ZHX1: variants seen among roughly 807,000 people sequenced by gnomAD.
ZHX1 encodes zinc fingers and homeoboxes protein 1.
A neutral mutation model predicts 61.8 loss-of-function variants in ZHX1; 20 were observed. The observed-to-expected ratio is 0.32, with a 90% confidence interval of 0.23 to 0.47. The LOEUF (loss-of-function observed/expected upper bound fraction) is 0.47, where lower values mean the gene tolerates loss of function less well. Among genes scored for constraint, ZHX1 ranks in the 20% least tolerant of loss-of-function variants. The pLI is 1.00. For synonymous variants in ZHX1, 318 were observed against 352.6 expected, an observed-to-expected ratio of 0.90 and a Z score of 1.10; for missense variants, 800 against 1,034.8, an observed-to-expected ratio of 0.77 and a Z score of 3.11.
intron 1 of ZHX1, chr8:123,273,887 G>C (rs1180582094): frequency 2.6e-5 from 4 of 152,502 alleles, no homozygotes; most frequent in Non-Finnish European, 4.4e-5. Flanking sequence ...GTTCCCTCCA[G>C]AGAGCCCCCC....
chr8:123,269,958 A>G (rs62521856), intron 1 of ZHX1, among the ~76,000 whole-genome samples: 5 of 59,462 alleles, frequency 8.4e-5, no homozygotes, highest in Non-Finnish European at 1.3e-4. Context: ...ATACTAATCA[A>G]TCAAATTTAA....
rs1437349743 is a variant in ZHX1 at position 123,249,609 on chromosome 8, T to G, written c.*715A>C. ...TTCTTCAGAATTAATTTCCTGCAGT[T>G]TAATAAAAAGCAAATCAGCTTCTAA... is the stretch of plus-strand genomic sequence containing the variant. On this transcript the variant is annotated 3_prime_UTR_variant, in exon 4 of 4. Coordinates refer to ENST00000395571, the MANE Select transcript of ZHX1 (RefSeq NM_007222.5). 3 of 152,134 alleles carry G rather than the reference T, an allele frequency of 2.0e-5. No homozygotes were observed. The highest frequency in any genetic ancestry group is 4.4e-5 in the Non-Finnish European group (3 of 67,990). 9.4% of individuals were successfully genotyped at this position (152,134 alleles called of 1,614,324 possible).
At chr8:123,268,182 C>T (rs889002046) in intron 1 of ZHX1, among the ~76,000 whole-genome samples, 1 of 152,090 alleles carries the variant, frequency 6.6e-6, no homozygotes, top group African/African-American at 2.4e-5. Context: ...CAAGCCAAAA[C>T]AAGTTAAACA....
intron 3 of ZHX1, 49 bp downstream of exon 3, chr8:123,253,273 G>C: frequency 7.0e-7 from 1 of 1,420,450 alleles, no homozygotes; most frequent in Non-Finnish European, 9.5e-7. Context: ...TGTTCAAAAT[G>C]TATGTGGTTG....
rs944618145 is a variant in ZHX1, at chr8:123,256,044, C to T, written c.-98G>A. On this transcript the variant is annotated 5_prime_UTR_variant, in exon 3 of 4. Transcript: ENST00000395571. ...TTGAAAACAATGGCTTTTGGTTCTT[C>T]AAGTCCATTTTTGTGCTCAACAAGT... 3.8e-5 allele frequency: 45 copies of T among 1,199,362 alleles called. No individual in the cohort carries two copies. The highest frequency in any genetic ancestry group is 4.9e-5 in the Non-Finnish European group (43 of 869,816). 74.3% of individuals were successfully genotyped at this position (1,199,362 alleles called of 1,614,324 possible).
chr8:123,255,606 T>A lies in ZHX1; in HGVS notation c.341A>T (p.Tyr114Phe). 6.2e-7 allele frequency: 1 copy of A among 1,613,524 alleles called. No individual in the cohort carries two copies. Among genetic ancestry groups the A allele is most frequent in the South Asian group, 1.1e-5 (1 of 91,076 alleles). Residue 114 changes from tyrosine (Y) to phenylalanine (F), a missense_variant, in exon 3 of 4, where the codon TAT (tyrosine) becomes TTT (phenylalanine). Coordinates refer to ENST00000395571, the MANE Select transcript of ZHX1 (RefSeq NM_007222.5). ...CAGATTATGCTCAGAAAGTGCATCATACCTTTTGGTAAGAAAATTGCATTC... is the reference window on the plus strand; with the variant it reads ...CAGATTATGCTCAGAAAGTGCATCAAACCTTTTGGTAAGAAAATTGCATTC... ...CVECNFLTKR[Y>F]DALSEHNLKY...
Position 123,267,367 on chromosome 8 carries a change from A to AAGC in ZHX1, c.-323_-321dup, listed in dbSNP as rs1563814930. 1 of 1,237,742 alleles carries AAGC rather than the reference A, an allele frequency of 8.1e-7. No homozygotes were observed. The highest frequency in any genetic ancestry group is 1.5e-5 in the African/African-American group (1 of 67,206). The allele number at this position is 1,237,742 out of a possible 1,614,324, so 76.7% of individuals were successfully genotyped here. On this transcript the variant is annotated 5_prime_UTR_variant, in exon 2 of 4. Coordinates refer to ENST00000395571, the MANE Select transcript of ZHX1 (RefSeq NM_007222.5). ...CAGGCCATCATTACCAACAGGTCCA[A>AAGC]AGCAGCAGTCTGTCTTCTCCTACAA...
At chr8:123,261,400 G>T (rs1826261522) in intron 2 of ZHX1, among the ~76,000 whole-genome samples, 1 of 152,114 alleles carries the variant, frequency 6.6e-6, no homozygotes. Flanking sequence ...GTAGTTAGGT[G>T]CCTGGAAGAG....
intron 1 of ZHX1, among the ~76,000 whole-genome samples, chr8:123,269,106 G>C (rs957796332): frequency 1.3e-5 from 2 of 152,154 alleles, no homozygotes; most frequent in African/African-American, 4.8e-5. Context: ...GTATCTCCTT[G>C]TTCCGCCACT....
At chr8:123,275,040 G>A (rs1029962445), upstream of ZHX1, among the ~76,000 whole-genome samples, 4 of 152,232 alleles carry the variant, frequency 2.6e-5, no homozygotes, top group African/African-American at 9.6e-5. Flanking sequence ...TCCACCCGCT[G>A]ACACCGAAAG....
At chr8:123,250,834 T>C (rs1299712943) in intron 3 of ZHX1, among the ~76,000 whole-genome samples, 1 of 152,226 alleles carries the variant, frequency 6.6e-6, no homozygotes, top group Admixed American at 6.5e-5. Flanking sequence ...GTTTCAGAAA[T>C]TTAGACTTTT....
Position 123,254,698 on chromosome 8 carries a change from C to T in ZHX1, c.1249G>A (p.Val417Met), listed in dbSNP as rs144435068. 1.2e-4 allele frequency: 198 copies of T among 1,614,062 alleles called. No homozygotes were observed. The highest frequency in any genetic ancestry group is 1.6e-4 in the Non-Finnish European group (188 of 1,180,034). The part of the protein sequence containing the change: ...LPVTAPIALT[V>M]AGVPSQNNIQ... ...TTATTTTGACTTGGAACGCCTGCCA[C>T]TGTCAAGGCTATAGGTGCTGTAACT... Residue 417 changes from valine to methionine, a missense_variant, in exon 3 of 4, where the codon GTG becomes ATG. Transcript: ENST00000395571. The surrounding 1 kb of genome is among the most constrained non-coding windows in gnomAD (Gnocchi z 4.1).
intron 3 of ZHX1, among the ~76,000 whole-genome samples, chr8:123,251,642 C>T (rs578058418): frequency 3.5e-4 from 54 of 152,230 alleles, no homozygotes; most frequent in African/African-American, 1.1e-3. Context: ...GCTGAGTGCA[C>T]ATTCTTGTGT....
At chr8:123,273,329 T>G (rs940281552) in intron 1 of ZHX1, among the ~76,000 whole-genome samples, 1 of 152,206 alleles carries the variant, frequency 6.6e-6, no homozygotes, top group Non-Finnish European at 1.5e-5. Flanking sequence ...TTTCCTGCCC[T>G]TAGACCTTGT....
chr8:123,273,304 C>G (rs1826719585), intron 1 of ZHX1, among the ~76,000 whole-genome samples: 2 of 152,214 alleles, frequency 1.3e-5, no homozygotes, highest in Non-Finnish European at 2.9e-5. Context: ...GAAAGGGGAT[C>G]TGCCAGGGCT....
intron 1 of ZHX1, among the ~76,000 whole-genome samples, chr8:123,267,719 C>T (rs1826502993): frequency 6.6e-6 from 1 of 151,906 alleles, no homozygotes; most frequent in African/African-American, 2.4e-5. Context: ...ATGAGTATAC[C>T]GGCCGGGCGC....
At chr8:123,251,088 G>C (rs968827658) in intron 3 of ZHX1, among the ~76,000 whole-genome samples, 2 of 152,190 alleles carry the variant, frequency 1.3e-5, no homozygotes, top group African/African-American at 4.8e-5. Flanking sequence ...GAATCATGGG[G>C]GTGGACTTCC....
chr8:123,275,225 A>C (rs1826805441), upstream of ZHX1: 1 of 152,576 alleles, frequency 6.6e-6, no homozygotes. Flanking sequence ...AGCGAGGGCC[A>C]GGGGTTTCGG....
chr8:123,260,992 A>G (rs773458506), intron 2 of ZHX1, among the ~76,000 whole-genome samples: 6 of 152,328 alleles, frequency 3.9e-5, no homozygotes, highest in Non-Finnish European at 8.8e-5. Context: ...ACTGCATTCC[A>G]GCCTGGGTGA....
Sources: allele counts gnomAD v4.1 joint callset (sites outside exome capture counted in the v4.1 genomes callset), GRCh38; gene constraint gnomAD v4.1.1; non-coding constraint Gnocchi (gnomAD v3.1); transcripts MANE v1.5; gene names NCBI Gene and HGNC (gene_info 2026-07-23, HGNC 2026-07-21).